Variants in TMOD1 observed in about 807,000 individuals in gnomAD.
The protein encoded by TMOD1 is tropomodulin-1.
In TMOD1, 17 loss-of-function variants were observed where a neutral mutation model predicts 40.6. The observed-to-expected ratio is 0.42, with a 90% CI of 0.29 to 0.63. TMOD1 has a LOEUF of 0.63. Ranked by LOEUF, TMOD1 falls within the 20% of genes least tolerant of loss-of-function variation. The pLI is 0.22. For synonymous variants in TMOD1, 181 were observed against 175.0 expected (o/e 1.03, Z -0.27); for missense variants, 391 against 447.6 (o/e 0.87, Z 1.14).
intron 8 of TMOD1, among the ~76,000 whole-genome samples, chr9:97,578,353 G>A (rs1399020873): frequency 2.0e-5 from 3 of 152,114 alleles, no homozygotes; most frequent in Non-Finnish European, 2.9e-5. Context: ...GTGCCCGGCC[G>A]AAGCTTCTTT....
intron 2 of TMOD1, among the ~76,000 whole-genome samples, chr9:97,541,034 C>T (rs1229481205): frequency 1.3e-5 from 2 of 152,054 alleles, no homozygotes; most frequent in African/African-American, 4.8e-5. Context: ...TATTGCCATC[C>T]TGCTGGCTGT....
In TMOD1 at chr9:97,546,175, T is replaced by G; in HGVS notation, c.121-10T>G. 6.2e-7 allele frequency: 1 copy of G among 1,601,490 alleles called. No individual in the cohort carries two copies. On this transcript the variant is annotated splice_polypyrimidine_tract_variant and intron_variant, in intron 2 of 9. Coordinates refer to ENST00000259365, the MANE Select transcript of TMOD1 (RefSeq NM_003275.4). ...CTCTCTCTCCTGCCCCCCCACAACCTCCAATGTAGAATGCACTGCTGCCTG... is the reference window on the plus strand; with the variant it reads ...CTCTCTCTCCTGCCCCCCCACAACCGCCAATGTAGAATGCACTGCTGCCTG...
Position 97,546,345 on chromosome 9 carries a change from C to T in TMOD1, c.277+4C>T, listed in dbSNP as rs772166741. ...CCCTACACAGGGGAAAAACGAGGTA[C>T]TGAACAATGTTACTGTTATAATATG... On this transcript the variant is annotated splice_donor_region_variant and intron_variant, in intron 3 of 9. Transcript: ENST00000259365. 6 of 1,612,640 alleles carry T rather than the reference C, an allele frequency of 3.7e-6. No homozygotes were observed. Among genetic ancestry groups the T allele is most frequent in the Non-Finnish European group, 5.1e-6 (6 of 1,179,482 alleles).
intron 9 of TMOD1, among the ~76,000 whole-genome samples, chr9:97,592,207 GC>G (rs1826017170): frequency 6.6e-6 from 1 of 151,828 alleles, no homozygotes; most frequent in Non-Finnish European, 1.5e-5. Flanking sequence ...ATTCCTGCTG[GC>G]TGCCAAAAAA....
At chr9:97,597,633 G>A (rs1003253538) in intron 9 of TMOD1, among the ~76,000 whole-genome samples, 1 of 142,888 alleles carries the variant, frequency 7.0e-6, no homozygotes, top group Non-Finnish European at 1.5e-5. Context: ...GGGAGGCGGA[G>A]ACTGCAGTGA....
intron 3 of TMOD1, among the ~76,000 whole-genome samples, chr9:97,548,952 C>A (rs1248987811): frequency 6.6e-6 from 1 of 152,178 alleles, no homozygotes; most frequent in Non-Finnish European, 1.5e-5. Context: ...CCAAGCACTT[C>A]CCCCACACCA....
chr9:97,581,584 T>A (rs965449050), intron 8 of TMOD1, among the ~76,000 whole-genome samples: 1 of 151,144 alleles, frequency 6.6e-6, no homozygotes, highest in Non-Finnish European at 1.5e-5. Context: ...ACTTCCACAA[T>A]GGTTGAACTA....
rs1587919793 is a variant in TMOD1 at position 97,524,317 on chromosome 9, G to A, written c.120+9G>A. On this transcript the variant is annotated intron_variant, in intron 2 of 9. Transcript: ENST00000259365. ...ATGAGCTGGACCCTGATGTGAGTAGGTGCTAAAGGGAAGCACATTGTCACT... is the reference window on the plus strand; with the variant it reads ...ATGAGCTGGACCCTGATGTGAGTAGATGCTAAAGGGAAGCACATTGTCACT... The A allele has an allele frequency of 6.2e-7, 1 of 1,612,714 alleles. No homozygotes were observed. Among genetic ancestry groups the A allele is most frequent in the Non-Finnish European group, 8.5e-7 (1 of 1,179,508 alleles).
At chr9:97,551,560 A>G (rs1830455177) in intron 3 of TMOD1, among the ~76,000 whole-genome samples, 1 of 152,202 alleles carries the variant, frequency 6.6e-6, no homozygotes, top group South Asian at 2.1e-4. Flanking sequence ...TTCATTGTCT[A>G]TCTATCTATC....
chr9:97,515,310 C>A (rs1174564374), intron 1 of TMOD1, among the ~76,000 whole-genome samples: 1 of 151,894 alleles, frequency 6.6e-6, no homozygotes, highest in Non-Finnish European at 1.5e-5. Flanking sequence ...GACAGGGTCT[C>A]AATCTGTTAT....
intron 9 of TMOD1, among the ~76,000 whole-genome samples, chr9:97,595,083 T>TA (rs1006708293): frequency 1.2e-4 from 19 of 152,026 alleles, no homozygotes; most frequent in Admixed American, 4.6e-4. Flanking sequence ...AAGCAATTTC[T>TA]AAAAAAAATG....
At chr9:97,533,806 G>T (rs77313868) in intron 2 of TMOD1, among the ~76,000 whole-genome samples, 2,454 of 152,292 alleles carry the variant, frequency 0.016, 67 homozygotes, top group African/African-American at 0.057. Flanking sequence ...GTGCAGCTTC[G>T]CTACAAGTAA....
At chr9:97,560,354 G>A (rs1830618473) in intron 4 of TMOD1, among the ~76,000 whole-genome samples, 1 of 152,126 alleles carries the variant, frequency 6.6e-6, no homozygotes, top group African/African-American at 2.4e-5. Context: ...CTCCCTGGAG[G>A]AGGAAGAGTT....
In TMOD1 at chr9:97,599,868, A is replaced by T. The variant is rs1826214295; in HGVS notation, c.*170A>T. On this transcript the variant is annotated 3_prime_UTR_variant, in exon 10 of 10. Coordinates refer to ENST00000259365, the MANE Select transcript of TMOD1 (RefSeq NM_003275.4). ...TAGTGGTTGTAGTTGAAAATTTTAT[A>T]AAATACCGTTAATGTGAAGTTTTTC... The T allele has an allele frequency of 3.3e-5, 46 of 1,397,596 alleles. 1 individual carries two copies. The South Asian group carries it at 7.3e-4, about 22-fold the overall frequency. The allele number at this position is 1,397,596 out of a possible 1,614,324, so 86.6% of individuals were successfully genotyped here.
Position 97,600,984 on chromosome 9 carries a change from G to T in TMOD1, c.*1286G>T. ...ATCTCATGATAAAGGACAAGGTCAAGAACTCCAGAGCACTGAGCAGAGAGG... is the reference window on the plus strand; with the variant it reads ...ATCTCATGATAAAGGACAAGGTCAATAACTCCAGAGCACTGAGCAGAGAGG... On this transcript the variant is annotated 3_prime_UTR_variant, in exon 10 of 10. Coordinates refer to ENST00000259365, the MANE Select transcript of TMOD1 (RefSeq NM_003275.4). 8.3e-7 allele frequency: 1 copy of T among 1,210,482 alleles called. No homozygotes were observed. Among genetic ancestry groups the T allele is most frequent in the Non-Finnish European group, 1.1e-6 (1 of 940,104 alleles). 75.0% of individuals were successfully genotyped at this position (1,210,482 alleles called of 1,614,324 possible).
chr9:97,555,799 A>C (rs1205201409), intron 4 of TMOD1: 1 of 1,078,718 alleles, frequency 9.3e-7, no homozygotes, highest in African/African-American at 1.6e-5. Flanking sequence ...TTATGGATGG[A>C]GAAAGTAGGC....
chr9:97,529,821 G>T (rs965731142), intron 2 of TMOD1, among the ~76,000 whole-genome samples: 2 of 152,208 alleles, frequency 1.3e-5, no homozygotes, highest in Non-Finnish European at 2.9e-5. Flanking sequence ...CGTGACTTCT[G>T]CAGGGAGCAG....
intron 2 of TMOD1, among the ~76,000 whole-genome samples, chr9:97,532,625 A>G (rs901384004): frequency 6.6e-6 from 1 of 152,194 alleles, no homozygotes; most frequent in Non-Finnish European, 1.5e-5. Context: ...TCTTAAAAAA[A>G]AAAAAGAAAT....
At chr9:97,566,248 A>G (rs1203640467) in intron 7 of TMOD1, among the ~76,000 whole-genome samples, 1 of 152,224 alleles carries the variant, frequency 6.6e-6, no homozygotes, top group Non-Finnish European at 1.5e-5. Flanking sequence ...TGTTTTGTCC[A>G]GTCACACAGC....
Sources: allele counts gnomAD v4.1 joint callset (sites outside exome capture counted in the v4.1 genomes callset), GRCh38; gene constraint gnomAD v4.1.1; transcripts MANE v1.5; gene names NCBI Gene and HGNC (gene_info 2026-07-23, HGNC 2026-07-21).